COL24A1: variants seen among roughly 807,000 people sequenced by gnomAD.
COL24A1 encodes the protein collagen alpha-1(XXIV) chain.
In COL24A1, 224 loss-of-function variants were observed where a neutral mutation model predicts 253.9. The observed-to-expected ratio is 0.88, with a 90% CI of 0.79 to 0.99. COL24A1 has a LOEUF of 0.99. COL24A1 is among the 50% of genes least tolerant of loss of function. COL24A1 has a pLI of 0.00. For synonymous variants in COL24A1, 685 were observed against 673.7 expected, an observed-to-expected ratio of 1.02 and a Z score of -0.26; for missense variants, 2,131 against 2,068.5, an observed-to-expected ratio of 1.03 and a Z score of -0.59.
At chr1:86,021,642 A>G (rs1021078363) in intron 18 of COL24A1, among the ~76,000 whole-genome samples, 7 of 151,394 alleles carry the variant, frequency 4.6e-5, no homozygotes, top group African/African-American at 1.5e-4. Context: ...TGTTAGCTAT[A>G]ATAATTATGA....
chr1:86,022,098 A>C (rs1697588876), intron 18 of COL24A1, 142 bp downstream of exon 18: 1 of 752,194 alleles, frequency 1.3e-6, no homozygotes, highest in Admixed American at 2.3e-5. Context: ...TGAACTGAAT[A>C]CCTGAGGGAT....
intron 23 of COL24A1, among the ~76,000 whole-genome samples, chr1:85,964,769 C>T (rs903159271): frequency 3.3e-5 from 5 of 151,822 alleles, no homozygotes; most frequent in African/African-American, 1.2e-4. Context: ...TTTAAAACTC[C>T]AAAAAAATTG....
chr1:86,075,128 A>T (rs945992938), intron 7 of COL24A1, among the ~76,000 whole-genome samples: 3 of 152,160 alleles, frequency 2.0e-5, no homozygotes, highest in Admixed American at 2.0e-4. Flanking sequence ...AGATCAACAA[A>T]ATAGATAGAC....
chr1:85,809,811 A>T (rs1672351641), intron 47 of COL24A1, among the ~76,000 whole-genome samples: 2 of 147,920 alleles, frequency 1.4e-5, no homozygotes, highest in South Asian at 4.2e-4. Flanking sequence ...ATATAATATT[A>T]TATATATATA....
At chr1:86,141,435 T>C (rs1186793849) in intron 2 of COL24A1, among the ~76,000 whole-genome samples, 1 of 152,150 alleles carries the variant, frequency 6.6e-6, no homozygotes, top group Non-Finnish European at 1.5e-5. Flanking sequence ...GAGAAGGGAT[T>C]TGGCTAAAAT....
chr1:85,831,743 C>A (rs957596171), intron 43 of COL24A1, among the ~76,000 whole-genome samples: 8 of 151,980 alleles, frequency 5.3e-5, no homozygotes, highest in Admixed American at 5.3e-4. Flanking sequence ...TGAGGACATT[C>A]TGGCAGAGGC....
intron 32 of COL24A1, among the ~76,000 whole-genome samples, chr1:85,880,844 T>C (rs1355764257): frequency 4.6e-5 from 7 of 152,214 alleles, no homozygotes; most frequent in African/African-American, 1.7e-4. Context: ...ATTCTACTGT[T>C]AAACCAGCCT....
chr1:85,917,627 T>C (rs1000328394), intron 24 of COL24A1, among the ~76,000 whole-genome samples: 3 of 152,068 alleles, frequency 2.0e-5, no homozygotes, highest in Non-Finnish European at 4.4e-5. Context: ...AGATTTCCTA[T>C]ATTTTCTTGA....
At chr1:85,882,520 T>G (rs1165105236) in intron 32 of COL24A1, among the ~76,000 whole-genome samples, 2 of 152,120 alleles carry the variant, frequency 1.3e-5, no homozygotes, top group East Asian at 3.8e-4. Context: ...GTTAAGGTGT[T>G]TTATGGCCCA....
At chr1:85,924,831 G>T (rs1041678763) in intron 24 of COL24A1, among the ~76,000 whole-genome samples, 2 of 152,098 alleles carry the variant, frequency 1.3e-5, no homozygotes, top group Non-Finnish European at 2.9e-5. Flanking sequence ...GGGCAATCAG[G>T]CAAGAGAAAG....
chr1:86,048,610 C>T (rs145867228), intron 11 of COL24A1, among the ~76,000 whole-genome samples: 1,568 of 152,128 alleles, frequency 0.01, 30 homozygotes, highest in African/African-American at 0.036. Context: ...CCTGCCTCAG[C>T]CTCCCAAGTA....
intron 20 of COL24A1, among the ~76,000 whole-genome samples, chr1:85,973,327 C>T (rs1253500292): frequency 1.3e-5 from 2 of 151,982 alleles, no homozygotes; most frequent in Non-Finnish European, 2.9e-5. Context: ...CCAATGAATT[C>T]ATAATTTATT....
At chr1:85,924,733 C>T (rs1437943065) in intron 24 of COL24A1, among the ~76,000 whole-genome samples, 1 of 152,172 alleles carries the variant, frequency 6.6e-6, no homozygotes, top group Non-Finnish European at 1.5e-5. Flanking sequence ...GGGCAAAAAA[C>T]TGGAAGCATT....
At chr1:85,837,052 A>T (rs1676079559) in intron 43 of COL24A1, among the ~76,000 whole-genome samples, 1 of 152,230 alleles carries the variant, frequency 6.6e-6, no homozygotes, top group South Asian at 2.1e-4. Flanking sequence ...AGACTGTGTG[A>T]AGAAGTCATG....
At chr1:85,802,933 T>C (rs1558183906) in intron 47 of COL24A1, among the ~76,000 whole-genome samples, 1 of 152,218 alleles carries the variant, frequency 6.6e-6, no homozygotes, top group Non-Finnish European at 1.5e-5. Context: ...TTTCATTGTA[T>C]ACATGTACTA....
At chr1:86,068,605 T>G (rs1249284590) in intron 7 of COL24A1, among the ~76,000 whole-genome samples, 1 of 152,064 alleles carries the variant, frequency 6.6e-6, no homozygotes, top group African/African-American at 2.4e-5. Context: ...GCCAGTGAAC[T>G]AGGGTGGAAT....
At chr1:85,918,108 G>A (rs940073094) in intron 24 of COL24A1, among the ~76,000 whole-genome samples, 11 of 149,550 alleles carry the variant, frequency 7.4e-5, no homozygotes, top group Admixed American at 3.4e-4. Flanking sequence ...TTTTTATGTG[G>A]CCATATCCAG....
chr1:85,780,899 G>T (rs1003637671), intron 52 of COL24A1, among the ~76,000 whole-genome samples: 1 of 151,948 alleles, frequency 6.6e-6, no homozygotes, highest in Non-Finnish European at 1.5e-5. Flanking sequence ...CACATCTTTT[G>T]CTATCTATGT....
chr1:86,041,898 G>A (rs912779132), intron 12 of COL24A1, among the ~76,000 whole-genome samples: 2 of 152,118 alleles, frequency 1.3e-5, no homozygotes, highest in African/African-American at 4.8e-5. Context: ...AATATCCACA[G>A]ATAGAGAGCA....
Sources: allele counts gnomAD v4.1 joint callset (sites outside exome capture counted in the v4.1 genomes callset), GRCh38; gene constraint gnomAD v4.1.1; transcripts MANE v1.5; gene names NCBI Gene and HGNC (gene_info 2026-07-23, HGNC 2026-07-21).